The following TJP2 variants were observed in gnomAD, a reference collection of about 807,000 sequenced individuals.
TJP2 encodes tight junction protein 2.
In TJP2, 91 loss-of-function variants were observed where a neutral mutation model predicts 133.1. The ratio of observed to expected loss-of-function variants is 0.68; its 90% CI spans 0.58 to 0.81. The LOEUF is 0.81. Among genes scored for constraint, TJP2 ranks in the 40% least tolerant of loss-of-function variants. The probability of loss-of-function intolerance (pLI) is 0.00; values close to 1 mark genes in which losing one functional copy is unlikely to be tolerated. For synonymous variants in TJP2, 592 were observed against 583.4 expected, an observed-to-expected ratio of 1.01 and a Z score of -0.21; for missense variants, 1,541 against 1,565.6, an observed-to-expected ratio of 0.98 and a Z score of 0.26.
chr9:69,204,933 T>C, intron 1 of TJP2: 1 of 1,268,872 alleles, frequency 7.9e-7, no homozygotes, highest in Non-Finnish European at 9.9e-7. Flanking sequence ...GAAAGAAAGC[T>C]GTTGAAGTGG....
chr9:69,222,742 T>C (rs926192526), intron 5 of TJP2, among the ~76,000 whole-genome samples: 1 of 152,014 alleles, frequency 6.6e-6, no homozygotes, highest in Non-Finnish European at 1.5e-5. Context: ...AAATGCAGAC[T>C]CTCAGGCCCA....
intron 10 of TJP2, 104 bp from the exon 11 acceptor site, chr9:69,229,978 A>G: frequency 7.0e-7 from 1 of 1,431,266 alleles, no homozygotes. Context: ...TAAACTATAA[A>G]TCACTCTGTA....
chr9:69,238,810 A>G (rs535144318), intron 16 of TJP2, 21 bp downstream of exon 16: 1 of 1,584,674 alleles, frequency 6.3e-7, no homozygotes, highest in African/African-American at 1.3e-5. Context: ...TCATCCACAG[A>G]CCGTGTTTTC....
At chr9:69,248,602 TTTC>T (rs889334176) in intron 19 of TJP2, 2 of 1,156,032 alleles carry the variant, frequency 1.7e-6, no homozygotes, top group African/African-American at 3.2e-5. Context: ...TGTCCTTGCT[TTTC>T]TTCCCCATCC....
chr9:69,240,207 T>G, intron 17 of TJP2, 60 bp downstream of exon 17: 1 of 1,384,208 alleles, frequency 7.2e-7, no homozygotes, highest in African/African-American at 1.4e-5. Flanking sequence ...AATTGAAGAG[T>G]AGAAGAAATA....
intron 17 of TJP2, among the ~76,000 whole-genome samples, chr9:69,241,642 T>C (rs148502542): frequency 0.014 from 2,167 of 152,340 alleles, 25 homozygotes; most frequent in Non-Finnish European, 0.019. Context: ...TCTTGGTATA[T>C]TTATGAATAT....
At position 69,248,056 on chromosome 9, in the gene TJP2, AACCGCC is replaced by A. The variant is rs1831051135; in HGVS notation, c.2714_2719del (p.Thr905_Ala906del). ...ACCCCGAAGACCGCATGTCCTACTT[AACCGCC>A]ATGGGCGCGGACTATCTGAGTTGCG... On this transcript the variant is annotated inframe_deletion, in exon 19 of 23. Transcript: ENST00000377245. 6.2e-7 allele frequency: 1 copy of A among 1,613,932 alleles called. No homozygotes were observed. Among genetic ancestry groups the A allele is most frequent in the Non-Finnish European group, 8.5e-7 (1 of 1,179,868 alleles).
At chr9:69,178,128 G>C (rs1428096187) in intron 1 of TJP2, among the ~76,000 whole-genome samples, 1 of 152,020 alleles carries the variant, frequency 6.6e-6, no homozygotes, top group Non-Finnish European at 1.5e-5. Flanking sequence ...AGAGGAGACA[G>C]AGTAAGGACT....
chr9:69,198,443 C>G (rs1251270085), intron 1 of TJP2, among the ~76,000 whole-genome samples: 1 of 152,194 alleles, frequency 6.6e-6, no homozygotes, highest in African/African-American at 2.4e-5. Context: ...TGCCCGGCCA[C>G]CTTTCTCAAT....
chr9:69,134,993 G>GAGAA (rs1189941952), intron 1 of TJP2, among the ~76,000 whole-genome samples: 2 of 151,350 alleles, frequency 1.3e-5, no homozygotes, highest in Non-Finnish European at 2.9e-5. Flanking sequence ...GAGAGAGAGA[G>GAGAA]AGATCTGTTT....
At chr9:69,221,519 GA>G in intron 5 of TJP2, 23 bp downstream of exon 5, 1 of 1,595,426 alleles carries the variant, frequency 6.3e-7, no homozygotes, top group Non-Finnish European at 8.5e-7. Context: ...GATGTGGGAA[GA>G]AAAGCACTGT....
At chr9:69,233,238 C>G (rs904388257) in intron 11 of TJP2, among the ~76,000 whole-genome samples, 1 of 152,188 alleles carries the variant, frequency 6.6e-6, no homozygotes, top group African/African-American at 2.4e-5. Flanking sequence ...CTAATGCCGA[C>G]TTTCACTTAA....
rs909638814 is a variant in TJP2 at position 69,227,977 on chromosome 9, T to A, written c.1320-4T>A. ...GAGACATTTACGTATGACATGTGAT[T>A]CAGTTCCAGAGAGGACACGCCGAGC... On this transcript the variant is annotated splice_polypyrimidine_tract_variant and splice_region_variant and intron_variant, in intron 8 of 22. Coordinates refer to ENST00000377245, the MANE Select transcript of TJP2 (RefSeq NM_004817.4). 1 of 1,614,208 alleles carries A rather than the reference T, an allele frequency of 6.2e-7. No individual in the cohort carries two copies. Among genetic ancestry groups the A allele is most frequent in the African/African-American group, 1.3e-5 (1 of 75,052 alleles).
chr9:69,192,876 A>T (rs1421901885), intron 1 of TJP2, among the ~76,000 whole-genome samples: 2 of 150,572 alleles, frequency 1.3e-5, no homozygotes, highest in Non-Finnish European at 2.9e-5. Context: ...CCATCACTGC[A>T]GGTGTGATCA....
chr9:69,181,240 CTTTTTTTTTT>C (rs149100552), intron 1 of TJP2, among the ~76,000 whole-genome samples: 17 of 73,184 alleles, frequency 2.3e-4, no homozygotes, highest in Non-Finnish European at 3.6e-4. Context: ...TTTGCAATTT[CTTTTTTTTTT>C]TTTTTTTTTT....
chr9:69,225,958 A>C (rs947270035), intron 6 of TJP2, 64 bp from the exon 7 acceptor site: 4 of 1,573,218 alleles, frequency 2.5e-6, no homozygotes, highest in Non-Finnish European at 3.5e-6. Flanking sequence ...AGAAGGGGAA[A>C]ATATGAATTT....
rs78730967 is a variant in TJP2 at position 69,207,547 on chromosome 9, C to T, written c.61-5001C>T. On this transcript the variant is annotated intron_variant, in intron 1 of 22. Coordinates refer to ENST00000377245, the MANE Select transcript of TJP2 (RefSeq NM_004817.4). ...ATGTGTCCTTGTGCATTTAGTCACA[C>T]GGTTCTCCCGGTGCCTCTGCCCAGG... Among the ~76,000 whole-genome samples, 426 of 152,312 alleles carry T rather than the reference C, an allele frequency of 2.8e-3. 2 individuals carry two copies. Among genetic ancestry groups the T allele is most frequent in the Non-Finnish European group, 5.1e-3 (346 of 68,022 alleles).
At chr9:69,247,447 T>A (rs1831007076) in intron 18 of TJP2, among the ~76,000 whole-genome samples, 1 of 152,214 alleles carries the variant, frequency 6.6e-6, no homozygotes, top group South Asian at 2.1e-4. Flanking sequence ...TTGTGAGACT[T>A]GACAGTGACT....
intron 2 of TJP2, among the ~76,000 whole-genome samples, chr9:69,155,558 CA>C (rs1448035675): frequency 6.6e-6 from 1 of 152,272 alleles, no homozygotes; most frequent in Non-Finnish European, 1.5e-5. Context: ...ACTACTTTGA[CA>C]ACCACTAACC....
Sources: gnomAD v4.1 joint callset for allele counts (sites outside exome capture counted in the v4.1 genomes callset) on GRCh38, gnomAD v4.1.1 for gene constraint, MANE v1.5 for transcripts, NCBI Gene and HGNC (gene_info 2026-07-23, HGNC 2026-07-21) for gene names.